Variants in SLC41A2 observed in about 807,000 individuals in gnomAD.
SLC41A2 encodes solute carrier family 41 member 2, also known as SLC41A1-like 1.
In SLC41A2, 32 loss-of-function variants were observed where a neutral mutation model predicts 58.3. The ratio of observed to expected loss-of-function variants is 0.55; its 90% CI spans 0.41 to 0.74. The LOEUF is 0.74. Among genes scored for constraint, SLC41A2 ranks in the 30% least tolerant of loss-of-function variants. The probability of loss-of-function intolerance (pLI) is 0.00; values close to 1 mark genes in which losing one functional copy is unlikely to be tolerated. For missense variants in SLC41A2, 514 were observed against 680.6 expected (o/e 0.76, Z 2.72); for synonymous variants, 190 against 235.0 (o/e 0.81, Z 1.75).
intron 10 of SLC41A2, among the ~76,000 whole-genome samples, chr12:104,833,343 T>A (rs776489062): frequency 4.8e-4 from 73 of 152,318 alleles, no homozygotes; most frequent in Non-Finnish European, 7.9e-4. Flanking sequence ...AACCAAACAA[T>A]GGTCATACCC....
intron 5 of SLC41A2, among the ~76,000 whole-genome samples, chr12:104,887,243 G>T (rs1478466963): frequency 6.6e-6 from 1 of 151,834 alleles, no homozygotes; most frequent in Non-Finnish European, 1.5e-5. Flanking sequence ...CCTAAATATG[G>T]CTATGGAGAA....
At chr12:104,947,761 A>T (rs1464733575) in intron 1 of SLC41A2, among the ~76,000 whole-genome samples, 1 of 152,170 alleles carries the variant, frequency 6.6e-6, no homozygotes, top group African/African-American at 2.4e-5. Context: ...AAAAAAGACA[A>T]TGAAAGTTGG....
chr12:104,839,067 A>G (rs542358224), intron 10 of SLC41A2, among the ~76,000 whole-genome samples: 3 of 152,310 alleles, frequency 2.0e-5, no homozygotes, highest in Admixed American at 2.0e-4. Context: ...TTTCCCATGG[A>G]ATTTGGTGCT....
intron 6 of SLC41A2, among the ~76,000 whole-genome samples, chr12:104,872,032 A>T (rs1463011443): frequency 6.6e-6 from 1 of 152,048 alleles, no homozygotes; most frequent in Non-Finnish European, 1.5e-5. Context: ...AAGGATTTGG[A>T]TTGGCCTTGA....
intron 1 of SLC41A2, among the ~76,000 whole-genome samples, chr12:104,942,265 G>GC (rs1593183628): frequency 6.6e-6 from 1 of 152,064 alleles, no homozygotes; most frequent in Non-Finnish European, 1.5e-5. Flanking sequence ...GATCGCTTGA[G>GC]CCAGGGAGTT....
chr12:104,902,683 C>T (rs780667163), intron 3 of SLC41A2, among the ~76,000 whole-genome samples: 48 of 152,130 alleles, frequency 3.2e-4, no homozygotes, highest in African/African-American at 7.5e-4. Context: ...TAACAAGCAG[C>T]GGTGAAAGAC....
At chr12:104,879,625 C>T (rs112749818) in intron 6 of SLC41A2, among the ~76,000 whole-genome samples, 5,810 of 151,968 alleles carry the variant, frequency 0.038, 157 homozygotes, top group East Asian at 0.11. Context: ...GTATTATTTC[C>T]GAGGGCTCTA....
intron 1 of SLC41A2, among the ~76,000 whole-genome samples, chr12:104,931,166 A>T (rs551158035): frequency 6.6e-6 from 1 of 152,370 alleles, no homozygotes; most frequent in African/African-American, 2.4e-5. Flanking sequence ...AACCTTACAC[A>T]TCAGACTAGG....
chr12:104,918,662 T>G (rs1268654272), intron 2 of SLC41A2, among the ~76,000 whole-genome samples: 1 of 150,646 alleles, frequency 6.6e-6, no homozygotes, highest in Admixed American at 6.6e-5. Flanking sequence ...AAACAGTCAT[T>G]TCTAAGGAAG....
chr12:104,881,645 C>T (rs1160778759), intron 6 of SLC41A2, among the ~76,000 whole-genome samples: 1 of 152,144 alleles, frequency 6.6e-6, no homozygotes, highest in Non-Finnish European at 1.5e-5. Context: ...GTTTCTTAAT[C>T]CTGAGTTCTA....
rs1272873332 is a variant in SLC41A2 at position 104,892,328 on chromosome 12, A to AAAAAAAAAAAAC, written c.735+2945_735+2946insGTTTTTTTTTTT. On this transcript the variant is annotated intron_variant, in intron 4 of 10. Transcript: ENST00000258538. ...AAATAAAATAAAATAAAATAAAATA[A>AAAAAAAAAAAAC]AATAAAATATTGATGCAAGAAATTG... Among the ~76,000 whole-genome samples, 28 of 126,916 alleles carry AAAAAAAAAAAAC rather than the reference A, an allele frequency of 2.2e-4. 4 individuals are homozygous for AAAAAAAAAAAAC. Among genetic ancestry groups the AAAAAAAAAAAAC allele is most frequent in the East Asian group, 1.0e-3 (3 of 2,906 alleles). The allele number at this position is 126,916 out of a possible 152,430, so 83.3% of individuals were successfully genotyped here. A position where few individuals can be genotyped will look rare whatever the true frequency, so the allele number is the denominator to read the frequency against.
At chr12:104,922,446 G>A (rs984142024) in intron 2 of SLC41A2, among the ~76,000 whole-genome samples, 1 of 151,882 alleles carries the variant, frequency 6.6e-6, no homozygotes, top group African/African-American at 2.4e-5. Flanking sequence ...AATGATAAAG[G>A]GGTCAATTCA....
intron 10 of SLC41A2, among the ~76,000 whole-genome samples, chr12:104,830,701 A>G (rs1269694014): frequency 6.6e-6 from 1 of 152,220 alleles, no homozygotes; most frequent in African/African-American, 2.4e-5. Context: ...GTTAACAAAC[A>G]CTTAATATTT....
At chr12:104,887,729 T>C (rs1443042989) in intron 5 of SLC41A2, among the ~76,000 whole-genome samples, 1 of 152,030 alleles carries the variant, frequency 6.6e-6, no homozygotes, top group Non-Finnish European at 1.5e-5. Context: ...TGTATCATAG[T>C]CCAGTGGAAA....
chr12:104,840,009 T>A (rs2042352344), intron 10 of SLC41A2, among the ~76,000 whole-genome samples: 1 of 152,248 alleles, frequency 6.6e-6, no homozygotes, highest in African/African-American at 2.4e-5. Flanking sequence ...ATTGTCAGTA[T>A]GCTTATTTAA....
chr12:104,899,280 A>T (rs2045445973), intron 3 of SLC41A2, among the ~76,000 whole-genome samples: 1 of 152,198 alleles, frequency 6.6e-6, no homozygotes, highest in South Asian at 2.1e-4. Flanking sequence ...GCCCAATTAG[A>T]ATCATTTTTT....
Position 104,866,354 on chromosome 12 carries a change from T to C in SLC41A2, c.1175+78A>G, listed in dbSNP as rs757342511. 3.9e-5 allele frequency: 55 copies of C among 1,424,066 alleles called. No individual in the cohort carries two copies. The Middle Eastern group carries it at 6.2e-4, about 16-fold the overall frequency. 88.2% of individuals were successfully genotyped at this position (1,424,066 alleles called of 1,614,324 possible). ...TAATATGCATGTACATATATGCTTATAGAAGACACACAAAGACAGACAGAC... is the reference window on the plus strand; with the variant it reads ...TAATATGCATGTACATATATGCTTACAGAAGACACACAAAGACAGACAGAC... On this transcript the variant is annotated intron_variant, in intron 7 of 10. Coordinates refer to ENST00000258538, the MANE Select transcript of SLC41A2 (RefSeq NM_001352171.3).
chr12:104,865,060 G>C lies in SLC41A2; in HGVS notation c.1175+1372C>G, dbSNP rs1237277668. 2.0e-5 allele frequency among the ~76,000 whole-genome samples: 3 copies of C among 152,176 alleles called. No individual in the cohort carries two copies. In the East Asian group the frequency reaches 5.8e-4, roughly 29 times the overall value. Reference sequence around the variant, plus strand: ...AGTTTGTCAGCAAGTGGGACTCATGGAAGACAATCAGGTGGGTTTGTAGCT... The same window carrying C: ...AGTTTGTCAGCAAGTGGGACTCATGCAAGACAATCAGGTGGGTTTGTAGCT... On this transcript the variant is annotated intron_variant, in intron 7 of 10. Coordinates refer to ENST00000258538, the MANE Select transcript of SLC41A2 (RefSeq NM_001352171.3).
intron 10 of SLC41A2, among the ~76,000 whole-genome samples, chr12:104,824,724 C>T (rs2041775779): frequency 6.6e-6 from 1 of 152,190 alleles, no homozygotes; most frequent in African/African-American, 2.4e-5. Flanking sequence ...CTAGACAATG[C>T]TGTGGGGTCA....
Sources: gnomAD v4.1 joint callset for allele counts (sites outside exome capture counted in the v4.1 genomes callset) on GRCh38, gnomAD v4.1.1 for gene constraint, MANE v1.5 for transcripts, NCBI Gene and HGNC (gene_info 2026-07-23, HGNC 2026-07-21) for gene names.